The following TAS2R1 variants were observed in gnomAD, a reference collection of about 807,000 sequenced individuals.
The protein encoded by TAS2R1 is taste 2 receptor member 1, also known as taste receptor type 2 member 1.
For missense variants in TAS2R1, 370 were observed against 353.4 expected, an observed-to-expected ratio of 1.05 and a Z score of -0.38; for synonymous variants, 141 against 134.2, an observed-to-expected ratio of 1.05 and a Z score of -0.35.
chr5:9,819,146 G>A, the TAS2R1 span, among the ~76,000 whole-genome samples: 1 of 152,168 alleles, frequency 6.6e-6, no homozygotes, highest in Non-Finnish European at 1.5e-5. Context: ...CAACTGAAAG[G>A]GGAGCTGTAG....
chr5:9,655,648 G>C, intron 2 of TAS2R1, among the ~76,000 whole-genome samples: 1 of 152,110 alleles, frequency 6.6e-6, no homozygotes, highest in South Asian at 2.1e-4. Context: ...TAATGTAAAA[G>C]GGTTTATAGA....
chr5:9,833,006 A>G, the TAS2R1 span, among the ~76,000 whole-genome samples: 1 of 152,228 alleles, frequency 6.6e-6, no homozygotes, highest in African/African-American at 2.4e-5. Context: ...GTAAGGCGGG[A>G]CGACAAGAGG....
chr5:9,698,805 C>A (rs1741416557), intron 1 of TAS2R1, among the ~76,000 whole-genome samples: 1 of 152,140 alleles, frequency 6.6e-6, no homozygotes, highest in African/African-American at 2.4e-5. Context: ...GGCCAAACAC[C>A]AGAAACTTCA....
At chr5:9,849,546 C>T in the TAS2R1 span, among the ~76,000 whole-genome samples, 2 of 152,214 alleles carry the variant, frequency 1.3e-5, no homozygotes, top group East Asian at 1.9e-4. Flanking sequence ...TGCTGTCCTC[C>T]ACTCTGCAGG....
the TAS2R1 span, among the ~76,000 whole-genome samples, chr5:9,726,632 C>T: frequency 4.5e-4 from 68 of 152,316 alleles, no homozygotes; most frequent in South Asian, 0.012. Context: ...TCGAACACAT[C>T]CAAACATCAG....
the TAS2R1 span, among the ~76,000 whole-genome samples, chr5:9,759,446 A>G: frequency 6.6e-6 from 1 of 152,234 alleles, no homozygotes; most frequent in African/African-American, 2.4e-5. Context: ...GTGCTTGTAC[A>G]GTTAAAAAGT....
At chr5:9,712,457 T>C (rs1734703508), upstream of TAS2R1, 1 of 152,240 alleles carries the variant, frequency 6.6e-6, no homozygotes, top group South Asian at 2.1e-4. Flanking sequence ...GCAGATTATC[T>C]TCCATCTTGT....
chr5:9,729,167 A>G, the TAS2R1 span, among the ~76,000 whole-genome samples: 1 of 152,244 alleles, frequency 6.6e-6, no homozygotes, highest in African/African-American at 2.4e-5. Context: ...CAGGCTGGCC[A>G]CAATGTGTGT....
At chr5:9,689,165 T>G (rs1741186197) in intron 1 of TAS2R1, among the ~76,000 whole-genome samples, 1 of 152,154 alleles carries the variant, frequency 6.6e-6, no homozygotes, top group African/African-American at 2.4e-5. Flanking sequence ...GCTAGCTCAC[T>G]CACTCCATCT....
chr5:9,830,589 A>G, the TAS2R1 span, among the ~76,000 whole-genome samples: 2 of 136,178 alleles, frequency 1.5e-5, no homozygotes, highest in African/African-American at 5.4e-5. Context: ...AGGTAGGTAG[A>G]TAGACACGTG....
intron 1 of TAS2R1, among the ~76,000 whole-genome samples, chr5:9,660,224 A>C (rs1467987617): frequency 2.1e-3 from 129 of 62,706 alleles, no homozygotes; most frequent in African/African-American, 6.5e-3. Flanking sequence ...GCTCCCGGCT[A>C]ATTTTTTTTT....
the TAS2R1 span, among the ~76,000 whole-genome samples, chr5:9,802,212 T>A: frequency 6.6e-6 from 1 of 152,196 alleles, no homozygotes; most frequent in Non-Finnish European, 1.5e-5. Context: ...CAGGTTCTGG[T>A]ATCCATGGCT....
At chr5:9,777,164 G>A in the TAS2R1 span, among the ~76,000 whole-genome samples, 1 of 152,152 alleles carries the variant, frequency 6.6e-6, no homozygotes, top group African/African-American at 2.4e-5. Flanking sequence ...GAAGTTTGCT[G>A]CATCGATTGA....
At chr5:9,657,396 A>T (rs1561371066) in intron 2 of TAS2R1, among the ~76,000 whole-genome samples, 1 of 152,194 alleles carries the variant, frequency 6.6e-6, no homozygotes, top group Non-Finnish European at 1.5e-5. Context: ...TAAGCGTTTC[A>T]TTTGCTGTCT....
chr5:9,761,727 G>T, the TAS2R1 span, among the ~76,000 whole-genome samples: 4 of 152,184 alleles, frequency 2.6e-5, no homozygotes, highest in African/African-American at 4.8e-5. Context: ...TGCATCAAAT[G>T]CAAGGGTTGC....
At chr5:9,874,698 G>A in the TAS2R1 span, among the ~76,000 whole-genome samples, 1 of 152,162 alleles carries the variant, frequency 6.6e-6, no homozygotes, top group Non-Finnish European at 1.5e-5. Flanking sequence ...TTGATACAGA[G>A]GTGAAAGTCC....
At chr5:9,804,006 CA>C in the TAS2R1 span, among the ~76,000 whole-genome samples, 1 of 152,082 alleles carries the variant, frequency 6.6e-6, no homozygotes, top group African/African-American at 2.4e-5. Flanking sequence ...TCACCTAACA[CA>C]TAAGGATTCA....
the TAS2R1 span, among the ~76,000 whole-genome samples, chr5:9,766,458 A>T: frequency 6.6e-5 from 10 of 152,256 alleles, no homozygotes; most frequent in Non-Finnish European, 7.3e-5. Flanking sequence ...CAGAGTGATC[A>T]ATACAGAATG....
chr5:9,807,685 T>C, the TAS2R1 span, among the ~76,000 whole-genome samples: 2 of 152,274 alleles, frequency 1.3e-5, no homozygotes, highest in South Asian at 4.1e-4. Flanking sequence ...AAACATCATA[T>C]GTTCTCACTC....
Sources: gnomAD v4.1 joint callset for allele counts (sites outside exome capture counted in the v4.1 genomes callset) on GRCh38, gnomAD v4.1.1 for gene constraint, MANE v1.5 for transcripts, NCBI Gene and HGNC (gene_info 2026-07-23, HGNC 2026-07-21) for gene names.